CCNB3: variants seen among roughly 807,000 people sequenced by gnomAD.
CCNB3 encodes the protein G2/mitotic-specific cyclin-B3.
Under a neutral mutation model 68.0 loss-of-function variants are expected in CCNB3, and 12 were observed. The observed-to-expected ratio is 0.18, with a 90% CI of 0.11 to 0.29. The LOEUF is 0.29. Ranked by LOEUF, CCNB3 falls within the 10% of genes least tolerant of loss-of-function variation. The probability of loss-of-function intolerance (pLI) is 1.00; values close to 1 mark genes in which losing one functional copy is unlikely to be tolerated. For synonymous variants in CCNB3, 354 were observed against 388.9 expected, an observed-to-expected ratio of 0.91 and a Z score of 1.06; for missense variants, 904 against 993.1, an observed-to-expected ratio of 0.91 and a Z score of 1.21.
intron 8 of CCNB3, among the ~76,000 whole-genome samples, chrX:50,320,686 AT>A (rs1921969259): frequency 9.1e-6 from 1 of 109,419 alleles, no homozygotes; most frequent in Admixed American, 9.8e-5. Context: ...ATCCATGGTG[AT>A]TTTCTGTGTA....
chrX:50,351,279 T>C lies in CCNB3; in HGVS notation c.3999T>C (p.Ser1333=). 2 of 1,210,584 alleles carry C rather than the reference T, an allele frequency of 1.7e-6. No individual in the cohort carries two copies. Among genetic ancestry groups the C allele is most frequent in the South Asian group, 1.8e-5 (1 of 56,957 alleles). The change falls in exon 12 of 13, where the codon TCT becomes TCC. Residue 1333 remains serine, a synonymous_variant. Transcript: ENST00000376042. ...AGCATTACAGTGGCTACAGTATCTC[T>C]GAGCTTCACCCCTTGGTCAGACAGC... is the stretch of plus-strand genomic sequence containing the variant. The part of the protein sequence containing the change: ...FLEHYSGYSI[S]ELHPLVRQLN...
chrX:50,341,948 A>G (rs1923166412), intron 8 of CCNB3: 2 of 313,012 alleles, frequency 6.4e-6, no homozygotes, highest in South Asian at 9.9e-5. Flanking sequence ...CTCATAGAGA[A>G]GGCAGAGCAT....
At position 50,309,324 on chromosome X, in the gene CCNB3, G is replaced by C; in HGVS notation, c.1155G>C (p.Leu385Phe). The C allele has an allele frequency of 8.3e-7, 1 of 1,211,060 alleles. No individual in the cohort carries two copies. Among genetic ancestry groups the C allele is most frequent in the East Asian group, 3.0e-5 (1 of 33,827 alleles). Residue 385 changes from leucine to phenylalanine, a missense_variant, in exon 6 of 13, where the codon TTG becomes TTC. Coordinates refer to ENST00000376042, the MANE Select transcript of CCNB3 (RefSeq NM_033031.3). Reference protein sequence around the residue: ...TEEAIMMPVILKEQCMTEGKR... With the variant: ...TEEAIMMPVIFKEQCMTEGKR... The stretch of plus-strand genomic sequence containing the variant: ...AGGCAATCATGATGCCAGTAATATT[G>C]AAGGAGCAGTGCATGACTGAGGGGA...
intron 1 of CCNB3, among the ~76,000 whole-genome samples, chrX:50,216,242 C>G (rs944477425): frequency 9.5e-6 from 1 of 104,803 alleles, no homozygotes; most frequent in African/African-American, 3.6e-5. Flanking sequence ...TGTGAGCCAC[C>G]GCGCCAGGCC....
chrX:50,338,919 G>A lies in CCNB3; in HGVS notation c.3517-3283G>A, dbSNP rs188387418. 1.7e-3 allele frequency among the ~76,000 whole-genome samples: 190 copies of A among 111,996 alleles called. 1 individual carries two copies. The highest frequency in any genetic ancestry group is 5.9e-3 in the African/African-American group (181 of 30,856). Reference sequence around the variant, plus strand: ...CCCTCATCTTCCTCTCTTCTTCTGAGCCCTCCAAATGTTTCTATCCTCTGC... The same window carrying A: ...CCCTCATCTTCCTCTCTTCTTCTGAACCCTCCAAATGTTTCTATCCTCTGC... On this transcript the variant is annotated intron_variant, in intron 8 of 12. Coordinates refer to ENST00000376042, the MANE Select transcript of CCNB3 (RefSeq NM_033031.3).
chrX:50,340,913 A>G (rs1923092323), intron 8 of CCNB3, among the ~76,000 whole-genome samples: 1 of 112,261 alleles, frequency 8.9e-6, no homozygotes, highest in Non-Finnish European at 1.9e-5. Context: ...AAATGGGTCA[A>G]TGAAATTAAG....
chrX:50,342,683 T>C (rs1557219777), intron 9 of CCNB3, among the ~76,000 whole-genome samples: 1 of 111,636 alleles, frequency 9.0e-6, no homozygotes, highest in African/African-American at 3.3e-5. Context: ...TACTAGTTTA[T>C]GTGTTCACTG....
At chrX:50,346,900 AG>A (rs1479295159) in intron 10 of CCNB3, 93 bp downstream of exon 10, 1 of 905,744 alleles carries the variant, frequency 1.1e-6, no homozygotes, top group Non-Finnish European at 1.5e-6. Context: ...GAAAGGGGAA[AG>A]GGACAACAGG....
At chrX:50,296,204 A>G (rs950287894) in intron 5 of CCNB3, among the ~76,000 whole-genome samples, 28 of 105,946 alleles carry the variant, frequency 2.6e-4, no homozygotes, top group African/African-American at 9.7e-4. Flanking sequence ...ATATGTACAC[A>G]TGTGCCATGT....
At chrX:50,324,585 A>G (rs1557217046) in intron 8 of CCNB3, among the ~76,000 whole-genome samples, 2 of 112,116 alleles carry the variant, frequency 1.8e-5, no homozygotes, top group African/African-American at 6.5e-5. Flanking sequence ...GCTCATGGGT[A>G]AATATATACC....
intron 1 of CCNB3, among the ~76,000 whole-genome samples, chrX:50,280,639 G>T (rs1310177416): frequency 9.1e-6 from 1 of 110,441 alleles, no homozygotes. Context: ...AAGCCTGCAG[G>T]AATTAGTGCT....
intron 5 of CCNB3, 36 bp downstream of exon 5, chrX:50,295,029 A>G: frequency 2.6e-6 from 3 of 1,156,588 alleles, no homozygotes; most frequent in Non-Finnish European, 3.5e-6. Flanking sequence ...ATTATTTTAG[A>G]TGGTAGAGTA....
At position 50,310,077 on chromosome X, in the gene CCNB3, C is replaced by T. The variant is rs1921334339; in HGVS notation, c.1908C>T (p.Ser636=). ...MKSTTEEKFL[S]QEPSALKEKH... ...CTACAACGGAAGAAAAGTTCCTCTC[C>T]CAGGAACCATCTGCATTGAAAGAGA... The change falls in exon 6 of 13, where the codon TCC becomes TCT. Residue 636 remains serine, a synonymous_variant. Coordinates refer to ENST00000376042, the MANE Select transcript of CCNB3 (RefSeq NM_033031.3). 1 of 1,207,669 alleles carries T rather than the reference C, an allele frequency of 8.3e-7. No homozygotes were observed. Among genetic ancestry groups the T allele is most frequent in the South Asian group, 1.8e-5 (1 of 56,495 alleles).
intron 8 of CCNB3, among the ~76,000 whole-genome samples, chrX:50,327,678 C>G (rs1362511539): frequency 8.9e-6 from 1 of 112,059 alleles, no homozygotes; most frequent in East Asian, 2.8e-4. Flanking sequence ...ACTGTAATTT[C>G]TTGATACTTA....
In CCNB3 at chrX:50,204,867, T is replaced by C. The variant is rs1481141169; in HGVS notation, c.-196T>C. ...CATCTACATTTTGATTGGTTTATTT[T>C]TGTATTGTTTTCTTTCAGTTTCCGA... is the stretch of plus-strand genomic sequence containing the variant. On this transcript the variant is annotated 5_prime_UTR_variant, in exon 1 of 13. Transcript: ENST00000376042. The C allele has an allele frequency of 9.0e-6, 1 of 110,702 alleles. No individual in the cohort carries two copies. The highest frequency in any genetic ancestry group is 1.9e-5 in the Non-Finnish European group (1 of 52,984). 9.1% of individuals were successfully genotyped at this position (110,702 alleles called of 1,213,427 possible). A position where few individuals can be genotyped will look rare whatever the true frequency, so the allele number is the denominator to read the frequency against.
chrX:50,279,122 ATATAT>A (rs1936013484), intron 1 of CCNB3, among the ~76,000 whole-genome samples: 1 of 62,547 alleles, frequency 1.6e-5, no homozygotes, highest in South Asian at 1.3e-3. Context: ...AATATATAGA[ATATAT>A]TATATTCATA....
rs1923685477 is a variant in CCNB3 at position 50,351,618 on chromosome X, A to G, written c.4103A>G (p.Glu1368Gly). Residue 1368 changes from glutamate to glycine, a missense_variant, in exon 13 of 13, where the codon GAA becomes GGA. By Grantham distance (98) the Glu-to-Gly change is moderately conservative (BLOSUM62 -2). This residue lies in a region of CCNB3 where 285 missense variants were observed against 383.4 expected (regional missense o/e 0.74). Transcript: ENST00000376042. ...YYKYSHPVFF[E>G]VAKIPALDML... ...TCTTCCTTTTGCAGGGTCTTCTTTGAAGTCGCCAAAATCCCTGCCTTGGAT... is the reference window on the plus strand; with the variant it reads ...TCTTCCTTTTGCAGGGTCTTCTTTGGAGTCGCCAAAATCCCTGCCTTGGAT... 2 of 1,210,789 alleles carry G rather than the reference A, an allele frequency of 1.7e-6. No homozygotes were observed. Among genetic ancestry groups the G allele is most frequent in the African/African-American group, 3.5e-5 (2 of 57,648 alleles).
At chrX:50,324,113 C>G (rs964107257) in intron 8 of CCNB3, among the ~76,000 whole-genome samples, 1 of 112,387 alleles carries the variant, frequency 8.9e-6, no homozygotes, top group Non-Finnish European at 1.9e-5. Flanking sequence ...ACCGCAATCT[C>G]GGCTCACCGC....
chrX:50,333,013 A>G (rs1350603164), intron 8 of CCNB3, among the ~76,000 whole-genome samples: 2 of 111,438 alleles, frequency 1.8e-5, no homozygotes, highest in Admixed American at 1.9e-4. Flanking sequence ...AATTTTAAAC[A>G]ATACCATAGG....
Sources: gnomAD v4.1 joint callset for allele counts (sites outside exome capture counted in the v4.1 genomes callset) on GRCh38, gnomAD v4.1.1 for gene constraint, gnomAD v4.1.1 regional missense constraint, MANE v1.5 for transcripts, NCBI Gene and HGNC (gene_info 2026-07-23, HGNC 2026-07-21) for gene names.